HSD17B12: variants seen among roughly 807,000 people sequenced by gnomAD.
HSD17B12 encodes the protein very-long-chain 3-oxoacyl-CoA reductase.
In HSD17B12, 32 loss-of-function variants were observed where a neutral mutation model predicts 39.3. The ratio of observed to expected loss-of-function variants is 0.81; its 90% CI spans 0.61 to 1.09. The LOEUF (loss-of-function observed/expected upper bound fraction) is 1.09. HSD17B12 is among the 50% of genes least tolerant of loss of function. The pLI, the probability that HSD17B12 is intolerant of heterozygous loss-of-function variation, is 0.00. For missense variants in HSD17B12, 342 were observed against 382.9 expected, an observed-to-expected ratio of 0.89 and a Z score of 0.89; for synonymous variants, 150 against 146.7, an observed-to-expected ratio of 1.02 and a Z score of -0.16.
Position 43,847,169 on chromosome 11 carries a change from C to T in HSD17B12, c.684+7105C>T, listed in dbSNP as rs575157070. ...CTCAAAGAGGTGTTGCTCTCCGTCA[C>T]GCAGTTTCCTTCCTTTGACCTGGGA... On this transcript the variant is annotated intron_variant, in intron 9 of 10. Transcript: ENST00000278353. Among the ~76,000 whole-genome samples the T allele has an allele frequency of 9.9e-5, 15 of 152,254 alleles. No homozygotes were observed. In the South Asian group the frequency reaches 1.9e-3, roughly 19 times the overall value.
chr11:43,693,585 A>G (rs1388820287), intron 1 of HSD17B12, among the ~76,000 whole-genome samples: 1 of 152,206 alleles, frequency 6.6e-6, no homozygotes, highest in Non-Finnish European at 1.5e-5. Context: ...CTGTGCTTAT[A>G]TCCCAAACTA....
At chr11:43,599,470 T>C in the HSD17B12 span, among the ~76,000 whole-genome samples, 1 of 152,172 alleles carries the variant, frequency 6.6e-6, no homozygotes, top group African/African-American at 2.4e-5. Context: ...GTTTGTTACA[T>C]GGGTAAACTT....
At chr11:43,819,560 A>C (rs1174255600) in intron 6 of HSD17B12, among the ~76,000 whole-genome samples, 1 of 152,224 alleles carries the variant, frequency 6.6e-6, no homozygotes, top group African/African-American at 2.4e-5. Flanking sequence ...TATAATGATG[A>C]AATAAAAATG....
At chr11:43,562,046 G>C in the HSD17B12 span, among the ~76,000 whole-genome samples, 1 of 152,122 alleles carries the variant, frequency 6.6e-6, no homozygotes, top group Non-Finnish European at 1.5e-5. Context: ...TCGCTTCTTC[G>C]TAAACTGCTT....
intron 3 of HSD17B12, among the ~76,000 whole-genome samples, chr11:43,762,946 T>C (rs1331703129): frequency 2.0e-5 from 3 of 152,178 alleles, no homozygotes; most frequent in Non-Finnish European, 2.9e-5. Context: ...GCTTCTCTTA[T>C]TGATTTAATA....
intron 1 of HSD17B12, chr11:43,719,102 G>C: frequency 3.9e-6 from 3 of 766,008 alleles, no homozygotes; most frequent in Non-Finnish European, 7.1e-6. Flanking sequence ...ACTGGCTCCT[G>C]ATTACAATGC....
At chr11:43,826,105 C>T (rs535794648) in intron 6 of HSD17B12, among the ~76,000 whole-genome samples, 1 of 128,500 alleles carries the variant, frequency 7.8e-6, no homozygotes, top group East Asian at 2.2e-4. Flanking sequence ...TTTTTTGAGA[C>T]GGAGTCTCAC....
At chr11:43,576,344 C>G in the HSD17B12 span, among the ~76,000 whole-genome samples, 1 of 152,126 alleles carries the variant, frequency 6.6e-6, no homozygotes, top group African/African-American at 2.4e-5. Flanking sequence ...AAGGTTCCAG[C>G]GAAATGCCTT....
Position 43,855,138 on chromosome 11 carries a change from C to A in HSD17B12, c.835-6C>A, listed in dbSNP as rs1174022615. 20 of 1,571,208 alleles carry A rather than the reference C, an allele frequency of 1.3e-5. No individual in the cohort carries two copies. Among genetic ancestry groups the A allele is most frequent in the South Asian group, 1.2e-4 (11 of 88,422 alleles). ...ATTACATATCTCTCTCATTCTGTTT[C>A]CCTAGGGCTCGATAATCTCAAACCT... On this transcript the variant is annotated splice_polypyrimidine_tract_variant and splice_region_variant and intron_variant, in intron 10 of 10. Coordinates refer to ENST00000278353, the MANE Select transcript of HSD17B12 (RefSeq NM_016142.3).
At chr11:43,667,074 C>A in the HSD17B12 span, among the ~76,000 whole-genome samples, 8 of 152,184 alleles carry the variant, frequency 5.3e-5, no homozygotes, top group Non-Finnish European at 8.8e-5. Flanking sequence ...TACAAATGAA[C>A]AATTCATAAG....
At chr11:43,595,561 T>C in the HSD17B12 span, among the ~76,000 whole-genome samples, 3 of 152,254 alleles carry the variant, frequency 2.0e-5, no homozygotes, top group Non-Finnish European at 4.4e-5. Context: ...TTGTTAATGT[T>C]ACTCATTAGA....
chr11:43,634,489 A>G, the HSD17B12 span, among the ~76,000 whole-genome samples: 1 of 152,236 alleles, frequency 6.6e-6, no homozygotes, highest in Admixed American at 6.5e-5. Context: ...ATAGAAAATT[A>G]ACACCATTAC....
the HSD17B12 span, among the ~76,000 whole-genome samples, chr11:43,653,406 TTA>T: frequency 6.6e-6 from 1 of 152,066 alleles, no homozygotes; most frequent in Non-Finnish European, 1.5e-5. Context: ...TCTTTTTTTC[TTA>T]TTATTATTAT....
intron 3 of HSD17B12, among the ~76,000 whole-genome samples, chr11:43,797,140 C>T (rs1950922671): frequency 6.6e-6 from 1 of 152,210 alleles, no homozygotes. Flanking sequence ...TCAGATCTCT[C>T]ATGAACCAAC....
the HSD17B12 span, chr11:43,581,415 C>T: frequency 3.9e-6 from 2 of 519,360 alleles, no homozygotes; most frequent in African/African-American, 1.9e-5. This position sits in a 1 kb window ranked among gnomAD's most constrained non-coding sequence, Gnocchi z 4.9. Flanking sequence ...AATCTTTTTG[C>T]GGTCTGGGCT....
chr11:43,603,338 A>C, the HSD17B12 span, among the ~76,000 whole-genome samples: 5 of 152,232 alleles, frequency 3.3e-5, no homozygotes, highest in African/African-American at 1.2e-4. Flanking sequence ...AAAGTGCTCT[A>C]TAAATGTGAT....
chr11:43,567,016 A>G, the HSD17B12 span, among the ~76,000 whole-genome samples: 1 of 152,190 alleles, frequency 6.6e-6, no homozygotes, highest in Non-Finnish European at 1.5e-5. Context: ...CGTGTCCATC[A>G]CTTAGTTTAT....
At chr11:43,715,384 A>C (rs955449315) in intron 1 of HSD17B12, among the ~76,000 whole-genome samples, 1 of 152,090 alleles carries the variant, frequency 6.6e-6, no homozygotes, top group Non-Finnish European at 1.5e-5. Context: ...TGAGATAATC[A>C]TGTGGTTTTT....
At chr11:43,704,175 G>A (rs921899095) in intron 1 of HSD17B12, among the ~76,000 whole-genome samples, 3 of 152,168 alleles carry the variant, frequency 2.0e-5, no homozygotes, top group Non-Finnish European at 4.4e-5. Flanking sequence ...TTTAAGCAAA[G>A]CAACAAAGTA....
Sources: allele counts gnomAD v4.1 joint callset (sites outside exome capture counted in the v4.1 genomes callset), GRCh38; gene constraint gnomAD v4.1.1; non-coding constraint Gnocchi (gnomAD v3.1); transcripts MANE v1.5; gene names NCBI Gene and HGNC (gene_info 2026-07-23, HGNC 2026-07-21).